Variants in SPSB1 observed in about 807,000 individuals in gnomAD.
The protein encoded by SPSB1 is splA/ryanodine receptor domain and SOCS box containing 1.
A neutral mutation model predicts 21.2 loss-of-function variants in SPSB1; 8 were observed. That is an observed-to-expected ratio of 0.38 (90% confidence interval 0.22 to 0.68). The LOEUF (loss-of-function observed/expected upper bound fraction) is 0.68, where lower values mean the gene tolerates loss of function less well. SPSB1 is among the 30% of genes least tolerant of loss of function. SPSB1 has a pLI of 0.53. For missense variants in SPSB1, 242 were observed against 377.8 expected (o/e 0.64, Z 2.98); for synonymous variants, 169 against 161.7 (o/e 1.05, Z -0.34).
intron 2 of SPSB1, among the ~76,000 whole-genome samples, chr1:9,357,443 A>C (rs192794600): frequency 3.3e-5 from 5 of 152,184 alleles, no homozygotes; most frequent in Non-Finnish European, 7.3e-5. Flanking sequence ...CAGTTGACCA[A>C]ATTCTAGCCC....
In SPSB1 at chr1:9,350,575, T is replaced by G. The variant is rs1224804112; in HGVS notation, c.-149-5168T>G. On this transcript the variant is annotated intron_variant, in intron 1 of 2. Coordinates refer to ENST00000328089, the MANE Select transcript of SPSB1 (RefSeq NM_025106.4). ...ACTGTGTAGGCACACAGTGTACACGTGTGTGCATGTGTGTGCATGTAGGCA... is the reference window on the plus strand; with the variant it reads ...ACTGTGTAGGCACACAGTGTACACGGGTGTGCATGTGTGTGCATGTAGGCA... Among the ~76,000 whole-genome samples, 4 of 152,096 alleles carry G rather than the reference T, an allele frequency of 2.6e-5. No homozygotes were observed. In the East Asian group the frequency reaches 5.8e-4, roughly 22 times the overall value.
In SPSB1 at chr1:9,346,496, T is replaced by C. The variant is rs558667756; in HGVS notation, c.-149-9247T>C. Among the ~76,000 whole-genome samples, 2 of 151,914 alleles carry C rather than the reference T, an allele frequency of 1.3e-5. No individual in the cohort carries two copies. The highest frequency in any genetic ancestry group is 4.8e-5 in the African/African-American group (2 of 41,488). On this transcript the variant is annotated intron_variant, in intron 1 of 2. Coordinates refer to ENST00000328089, the MANE Select transcript of SPSB1 (RefSeq NM_025106.4). This position sits in a 1 kb window ranked among gnomAD's most constrained non-coding sequence, Gnocchi z 4.4. ...GGTGTAGCCGTTCCTTCAACAGACC[T>C]CTTCCTAAAACACCACCACAAACAG... is the stretch of plus-strand genomic sequence containing the variant.
At chr1:9,295,370 A>G (rs899761233) in intron 1 of SPSB1, among the ~76,000 whole-genome samples, 2 of 152,212 alleles carry the variant, frequency 1.3e-5, no homozygotes, top group Non-Finnish European at 2.9e-5. Flanking sequence ...CCAGTGGCTC[A>G]GACAGCCCCG....
At chr1:9,349,622 C>G (rs1640218604) in intron 1 of SPSB1, among the ~76,000 whole-genome samples, 1 of 152,240 alleles carries the variant, frequency 6.6e-6, no homozygotes, top group South Asian at 2.1e-4. Context: ...CGGGACATGT[C>G]CTGAGCGAGT....
intron 1 of SPSB1, among the ~76,000 whole-genome samples, chr1:9,339,055 C>A (rs1173703827): frequency 2.6e-5 from 4 of 152,164 alleles, no homozygotes; most frequent in African/African-American, 9.7e-5. Context: ...AACCAAGGGC[C>A]GCTTCCCCTT....
At chr1:9,339,747 A>G (rs1640059591) in intron 1 of SPSB1, among the ~76,000 whole-genome samples, 1 of 152,050 alleles carries the variant, frequency 6.6e-6, no homozygotes, top group Admixed American at 6.5e-5. Context: ...CGAGTGACTG[A>G]TGGCTTCTAC....
At chr1:9,326,156 A>C (rs1284488735) in intron 1 of SPSB1, among the ~76,000 whole-genome samples, 8 of 152,016 alleles carry the variant, frequency 5.3e-5, no homozygotes, top group African/African-American at 1.9e-4. Flanking sequence ...GGCTGAATTT[A>C]GTCTTCCCTG....
intron 2 of SPSB1, among the ~76,000 whole-genome samples, chr1:9,366,962 G>C (rs1013705700): frequency 2.0e-5 from 3 of 152,254 alleles, no homozygotes; most frequent in African/African-American, 7.2e-5. Context: ...AGTGCTGGGG[G>C]TGCGTGCCAG....
chr1:9,364,828 G>GTTT lies in SPSB1; in HGVS notation c.695-2618_695-2616dup, dbSNP rs1640539759. On this transcript the variant is annotated intron_variant, in intron 2 of 2. Coordinates refer to ENST00000328089, the MANE Select transcript of SPSB1 (RefSeq NM_025106.4). ...TCAGTTTTGGGGTTTTTTTGTTGTT[G>GTTT]TTTTGTTGTTGTTGTTGTCGTTGTT... is the stretch of plus-strand genomic sequence containing the variant. Among the ~76,000 whole-genome samples the GTTT allele has an allele frequency of 1.5e-5, 2 of 137,782 alleles. 1 individual carries two copies. The highest frequency in any genetic ancestry group is 4.6e-4 in the South Asian group (2 of 4,304). The allele number at this position is 137,782 out of a possible 152,430, so 90.4% of individuals were successfully genotyped here.
intron 1 of SPSB1, among the ~76,000 whole-genome samples, chr1:9,318,447 G>C (rs561739769): frequency 3.9e-5 from 6 of 152,298 alleles, no homozygotes; most frequent in African/African-American, 4.8e-5. Context: ...AAGCCCCCCT[G>C]CCATGTTCCT....
At chr1:9,359,707 A>AG (rs1640434251) in intron 2 of SPSB1, among the ~76,000 whole-genome samples, 1 of 144,578 alleles carries the variant, frequency 6.9e-6, no homozygotes, top group Non-Finnish European at 1.5e-5. Flanking sequence ...GTCTCTGGGA[A>AG]AAAAAAAAAA....
At chr1:9,358,561 A>G (rs752072878) in intron 2 of SPSB1, among the ~76,000 whole-genome samples, 3 of 152,212 alleles carry the variant, frequency 2.0e-5, no homozygotes, top group African/African-American at 7.2e-5. Flanking sequence ...TATCCTGCCT[A>G]GGACCTAGAA....
chr1:9,334,140 C>T (rs11121372), intron 1 of SPSB1, among the ~76,000 whole-genome samples: 72,542 of 151,990 alleles, frequency 0.48, 18,354 homozygotes, highest in Middle Eastern at 0.59. Context: ...GGCTGGAGTG[C>T]GGTGGTGCGA....
chr1:9,361,151 A>AT (rs1640466435), intron 2 of SPSB1, among the ~76,000 whole-genome samples: 1 of 66,156 alleles, frequency 1.5e-5, no homozygotes. Context: ...TGGATCTGTC[A>AT]TTTTCTTTTT....
At chr1:9,349,916 G>C (rs943657149) in intron 1 of SPSB1, among the ~76,000 whole-genome samples, 1 of 152,072 alleles carries the variant, frequency 6.6e-6, no homozygotes, top group Admixed American at 6.6e-5. Context: ...TGCAGTTAGA[G>C]CTCCTGTACA....
At chr1:9,307,506 C>T (rs529425226) in intron 1 of SPSB1, among the ~76,000 whole-genome samples, 7 of 152,286 alleles carry the variant, frequency 4.6e-5, no homozygotes, top group Admixed American at 1.3e-4. Flanking sequence ...TGGCCTTCTG[C>T]GTCTGACTTC....
At chr1:9,327,796 A>G (rs1003861794) in intron 1 of SPSB1, among the ~76,000 whole-genome samples, 10 of 152,268 alleles carry the variant, frequency 6.6e-5, no homozygotes, top group Non-Finnish European at 1.3e-4. Context: ...GCGTGAAAGC[A>G]GCCACAGACA....
At chr1:9,310,158 A>G (rs1639493813) in intron 1 of SPSB1, among the ~76,000 whole-genome samples, 1 of 151,042 alleles carries the variant, frequency 6.6e-6, no homozygotes, top group South Asian at 2.1e-4. Context: ...CTGCCGTGGG[A>G]AGGCCACAGA....
chr1:9,334,231 G>A (rs188169731), intron 1 of SPSB1, among the ~76,000 whole-genome samples: 4 of 151,846 alleles, frequency 2.6e-5, no homozygotes, highest in African/African-American at 7.3e-5. Context: ...GATTACAGGC[G>A]CCCACCACGA....
Sources: allele counts gnomAD v4.1 joint callset (sites outside exome capture counted in the v4.1 genomes callset), GRCh38; gene constraint gnomAD v4.1.1; non-coding constraint Gnocchi (gnomAD v3.1); transcripts MANE v1.5; gene names NCBI Gene and HGNC (gene_info 2026-07-23, HGNC 2026-07-21).